The following VPS39 variants were observed in gnomAD, a reference collection of about 807,000 sequenced individuals.
VPS39 encodes the protein vam6/Vps39-like protein.
A neutral mutation model predicts 121.0 loss-of-function variants in VPS39; 70 were observed. The ratio of observed to expected loss-of-function variants is 0.58; its 90% CI spans 0.48 to 0.71. VPS39 has a LOEUF of 0.71. Among genes scored for constraint, VPS39 ranks in the 30% least tolerant of loss-of-function variants. The pLI is 0.00. For missense variants in VPS39, 818 were observed against 1,051.5 expected (o/e 0.78, Z 3.07); for synonymous variants, 378 against 398.1 (o/e 0.95, Z 0.60).
chr15:42,175,410 A>G lies in VPS39; in HGVS notation c.961-1558T>C, dbSNP rs1336762923. Among the ~76,000 whole-genome samples, 181 of 133,400 alleles carry G rather than the reference A, an allele frequency of 1.4e-3. 1 individual carries two copies. The East Asian group carries it at 0.029, about 22-fold the overall frequency. 87.5% of individuals were successfully genotyped at this position (133,400 alleles called of 152,430 possible). A position where few individuals can be genotyped will look rare whatever the true frequency, so the allele number is the denominator to read the frequency against. On this transcript the variant is annotated intron_variant, in intron 10 of 24. Transcript: ENST00000318006. ...CGATAGAGGAAGACTCTGTCTCGGG[A>G]AAAAAAAAAAAAAAGAAAGAAAAAA...
chr15:42,165,844 G>T, intron 16 of VPS39, 28 bp from the exon 17 acceptor site: 1 of 1,599,898 alleles, frequency 6.3e-7, no homozygotes, highest in Non-Finnish European at 8.6e-7. Flanking sequence ...AGTTCCAGCA[G>T]CAGAACCATC....
Position 42,162,032 on chromosome 15 carries a change from C to A in VPS39, c.2460G>T (p.Arg820Ser). The change falls in exon 23 of 25, where the codon AGG (arginine) becomes AGT (serine). Residue 820 changes from arginine to serine, a missense_variant and splice_region_variant. By Grantham distance (110) the Arg-to-Ser change is moderately radical. Coordinates refer to ENST00000318006, the MANE Select transcript of VPS39 (RefSeq NM_015289.5). ...TAGAGTTTGGAAGGCCCATACCTAC[C>A]CTCAGGAATTCTGCATGGAGAAGGT... ...LKNLLHAEFL[R>S]VQEERILHQQ... is the part of the protein sequence containing the mutation. 1 of 1,614,168 alleles carries A rather than the reference C, an allele frequency of 6.2e-7. No individual in the cohort carries two copies. Among genetic ancestry groups the A allele is most frequent in the South Asian group, 1.1e-5 (1 of 91,070 alleles).
At chr15:42,167,653 T>C in intron 12 of VPS39, 116 bp from the exon 13 acceptor site, 1 of 1,359,118 alleles carries the variant, frequency 7.4e-7, no homozygotes, top group South Asian at 1.5e-5. Context: ...TGATCTCACA[T>C]TAGCATTCGA....
In VPS39 at chr15:42,178,347, A is replaced by C. The variant is rs2049500850; in HGVS notation, c.840-9T>G. ...CATAGATAATGTTTGATCTGGAAGC[A>C]AGAGTAAGAATATTAGCAAAAGATC... On this transcript the variant is annotated splice_polypyrimidine_tract_variant and intron_variant, in intron 9 of 24. Transcript: ENST00000318006. 1 of 1,614,066 alleles carries C rather than the reference A, an allele frequency of 6.2e-7. No homozygotes were observed. The highest frequency in any genetic ancestry group is 1.3e-5 in the African/African-American group (1 of 74,928).
At chr15:42,207,656 C>A (rs1044386907) in intron 1 of VPS39, among the ~76,000 whole-genome samples, 1 of 152,152 alleles carries the variant, frequency 6.6e-6, no homozygotes, top group African/African-American at 2.4e-5. Context: ...TTGTTCAATG[C>A]CCCCAAAACC....
chr15:42,179,343 G>A lies in VPS39; in HGVS notation c.719-773C>T, dbSNP rs915578770. 2.0e-5 allele frequency among the ~76,000 whole-genome samples: 3 copies of A among 151,950 alleles called. No homozygotes were observed. The East Asian group carries it at 5.8e-4, about 29-fold the overall frequency. ...CTAGCACTTTGGGAGGCTGAGGCAG[G>A]TGGATCACGAGGTCAGGAGATCGAG... On this transcript the variant is annotated intron_variant, in intron 8 of 24. Coordinates refer to ENST00000318006, the MANE Select transcript of VPS39 (RefSeq NM_015289.5).
At chr15:42,175,563 G>A (rs988351102) in intron 10 of VPS39, among the ~76,000 whole-genome samples, 1 of 152,022 alleles carries the variant, frequency 6.6e-6, no homozygotes, top group African/African-American at 2.4e-5. Flanking sequence ...TACCTCTTTA[G>A]CCAATCTTTA....
chr15:42,199,502 T>C, intron 2 of VPS39: 1 of 432,498 alleles, frequency 2.3e-6, no homozygotes, highest in South Asian at 1.7e-5. Context: ...CAACAAGATA[T>C]TTTAAATCGA....
intron 2 of VPS39, among the ~76,000 whole-genome samples, chr15:42,193,095 A>C (rs745450467): frequency 6.6e-6 from 1 of 152,152 alleles, no homozygotes; most frequent in Admixed American, 6.6e-5. Flanking sequence ...TTCTCTTTAC[A>C]AACAGAATTT....
chr15:42,164,511 T>C (rs1265216970), intron 18 of VPS39, 25 bp from the exon 19 acceptor site: 1 of 1,612,694 alleles, frequency 6.2e-7, no homozygotes, highest in South Asian at 1.1e-5. Flanking sequence ...AAGCTCAAAA[T>C]GAAAGGACAC....
At chr15:42,166,113 G>T in intron 16 of VPS39, 46 bp downstream of exon 16, 1 of 1,568,486 alleles carries the variant, frequency 6.4e-7, no homozygotes, top group Non-Finnish European at 8.8e-7. Context: ...AGTGCAATCA[G>T]AACCAAGTGT....
intron 6 of VPS39, 64 bp downstream of exon 6, chr15:42,187,694 T>G: frequency 2.0e-6 from 3 of 1,467,018 alleles, no homozygotes; most frequent in Non-Finnish European, 2.9e-6. Flanking sequence ...GTCCTGAACT[T>G]CACTAGAACC....
intron 11 of VPS39, among the ~76,000 whole-genome samples, chr15:42,172,072 A>G (rs974930641): frequency 2.6e-5 from 4 of 152,106 alleles, no homozygotes; most frequent in African/African-American, 9.7e-5. Flanking sequence ...ATCCCATCCT[A>G]TGTGCTCCTC....
chr15:42,176,570 TAAA>T (rs2049455708), intron 10 of VPS39, among the ~76,000 whole-genome samples: 1 of 150,422 alleles, frequency 6.6e-6, no homozygotes, highest in African/African-American at 2.5e-5. Flanking sequence ...AAAATGAAAA[TAAA>T]ATAATATAGG....
intron 1 of VPS39, among the ~76,000 whole-genome samples, chr15:42,203,140 G>T (rs2050100333): frequency 1.3e-5 from 2 of 151,984 alleles, no homozygotes; most frequent in Non-Finnish European, 2.9e-5. Context: ...AGACTAGCCT[G>T]GCCAACATGG....
chr15:42,177,178 A>AG (rs2049469905), intron 10 of VPS39, among the ~76,000 whole-genome samples: 1 of 151,264 alleles, frequency 6.6e-6, no homozygotes, highest in East Asian at 1.9e-4. Context: ...AAAAAAAAAA[A>AG]AAAAAAAAAA....
At chr15:42,183,397 C>G (rs1227540173) in intron 8 of VPS39, among the ~76,000 whole-genome samples, 1 of 152,098 alleles carries the variant, frequency 6.6e-6, no homozygotes, top group South Asian at 2.1e-4. Flanking sequence ...CCACTGTGCC[C>G]GGCCAGAACA....
chr15:42,180,625 A>G (rs2049562813), intron 8 of VPS39, among the ~76,000 whole-genome samples: 1 of 152,218 alleles, frequency 6.6e-6, no homozygotes, highest in Admixed American at 6.5e-5. Flanking sequence ...AGCAACACAA[A>G]ACATATCTTT....
intron 2 of VPS39, among the ~76,000 whole-genome samples, chr15:42,196,937 A>G (rs1034192943): frequency 4.6e-5 from 7 of 152,116 alleles, no homozygotes; most frequent in Admixed American, 4.6e-4. Flanking sequence ...ATGTCCATCA[A>G]TGATAGACTG....
Sources: gnomAD v4.1 joint callset for allele counts (sites outside exome capture counted in the v4.1 genomes callset) on GRCh38, gnomAD v4.1.1 for gene constraint, MANE v1.5 for transcripts, NCBI Gene and HGNC (gene_info 2026-07-23, HGNC 2026-07-21) for gene names.